KLHL21: variants seen among roughly 807,000 people sequenced by gnomAD.
The protein encoded by KLHL21 is kelch like family member 21.
KLHL21 carries 42 observed loss-of-function variants against 44.1 expected under a neutral mutation model. The ratio of observed to expected loss-of-function variants is 0.95; its 90% CI spans 0.74 to 1.23. The LOEUF (loss-of-function observed/expected upper bound fraction) is 1.23. Among genes scored for constraint, KLHL21 ranks in the 50% most tolerant of loss-of-function variants. The pLI is 0.00. For synonymous variants in KLHL21, 524 were observed against 411.6 expected, an observed-to-expected ratio of 1.27 and a Z score of -3.31; for missense variants, 918 against 889.1, an observed-to-expected ratio of 1.03 and a Z score of -0.41.
chr1:6,598,981 T>C (rs1415088925), intron 2 of KLHL21, 66 bp downstream of exon 2: 3 of 1,448,176 alleles, frequency 2.1e-6, no homozygotes, highest in Admixed American at 4.9e-5. Context: ...AGCCATGATG[T>C]GTGCTTAAGA....
chr1:6,602,861 C>T lies in KLHL21; in HGVS notation c.-44G>A, dbSNP rs1641059458. ...TCGAGGACGCCGCGGCCGGGGCCTG[C>T]GGAGAGACGCGGCGCGCTAGGCACC... On this transcript the variant is annotated 5_prime_UTR_variant, in exon 1 of 4. Coordinates refer to ENST00000377658, the MANE Select transcript of KLHL21 (RefSeq NM_014851.4). 2 of 1,290,652 alleles carry T rather than the reference C, an allele frequency of 1.5e-6. No homozygotes were observed. Among genetic ancestry groups the T allele is most frequent in the South Asian group, 3.4e-5 (2 of 59,128 alleles). 79.9% of individuals were successfully genotyped at this position (1,290,652 alleles called of 1,614,324 possible). A position where few individuals can be genotyped will look rare whatever the true frequency, so the allele number is the denominator to read the frequency against.
rs1021066717 is a variant in KLHL21 at position 6,602,843 on chromosome 1, C to T, written c.-26G>A. The T allele has an allele frequency of 1.4e-5, 19 of 1,399,346 alleles. No homozygotes were observed. In the African/African-American group the frequency reaches 2.6e-4, roughly 19 times the overall value. 86.7% of individuals were successfully genotyped at this position (1,399,346 alleles called of 1,614,324 possible). A position where few individuals can be genotyped will look rare whatever the true frequency, so the allele number is the denominator to read the frequency against. ...GGCGCCTTCGATAGGTTGTCGAGGA[C>T]GCCGCGGCCGGGGCCTGCGGAGAGA... is the stretch of plus-strand genomic sequence containing the variant. On this transcript the variant is annotated 5_prime_UTR_variant, in exon 1 of 4. Coordinates refer to ENST00000377658, the MANE Select transcript of KLHL21 (RefSeq NM_014851.4).
In KLHL21 at chr1:6,598,664, T is replaced by C. The variant is rs182190506; in HGVS notation, c.1427+383A>G. 3.4e-3 allele frequency among the ~76,000 whole-genome samples: 510 copies of C among 151,902 alleles called. 2 individuals carry two copies. Among genetic ancestry groups the C allele is most frequent in the Middle Eastern group, 0.02 (6 of 294 alleles). On this transcript the variant is annotated intron_variant, in intron 2 of 3. Coordinates refer to ENST00000377658, the MANE Select transcript of KLHL21 (RefSeq NM_014851.4). ...TTGGGAGGCCAAGGCGGACCGATCA[T>C]GAGGTCAGGAGATCAAGACCATCCT...
chr1:6,602,105 A>G lies in KLHL21; in HGVS notation c.713T>C (p.Val238Ala). 1 of 1,471,318 alleles carries G rather than the reference A, an allele frequency of 6.8e-7. No individual in the cohort carries two copies. 91.1% of individuals were successfully genotyped at this position (1,471,318 alleles called of 1,614,324 possible). The change falls in exon 1 of 4, where the codon GTC becomes GCC. Residue 238 changes from valine (V) to alanine (A), a missense_variant. Coordinates refer to ENST00000377658, the MANE Select transcript of KLHL21 (RefSeq NM_014851.4). ...FVRRFYLLAH[V>A]EAEPLVARCP... ...GCGCGCCACCAGCGGCTCGGCCTCG[A>G]CGTGCGCCAACAGGTAGAAGCGGCG... is the stretch of plus-strand genomic sequence containing the variant.
intron 2 of KLHL21, among the ~76,000 whole-genome samples, 166 bp downstream of exon 2, chr1:6,598,881 T>C (rs1640967257): frequency 6.6e-6 from 1 of 152,140 alleles, no homozygotes; most frequent in Non-Finnish European, 1.5e-5. Context: ...AGACTCCGTC[T>C]CAAAAACAAA....
intron 3 of KLHL21, 114 bp from the exon 4 acceptor site, chr1:6,593,772 T>C: frequency 7.1e-7 from 1 of 1,409,860 alleles, no homozygotes; most frequent in South Asian, 1.6e-5. Context: ...AGGGGTGGCC[T>C]TGGCTCTCCC....
intron 3 of KLHL21, chr1:6,594,064 T>C (rs1640891786): frequency 2.0e-6 from 2 of 1,016,516 alleles, no homozygotes; most frequent in Admixed American, 5.7e-5. Context: ...CGAGGCTGGA[T>C]GATTCCTTCC....
At position 6,602,602 on chromosome 1, in the gene KLHL21, G is replaced by A. The variant is rs1641050206; in HGVS notation, c.216C>T (p.Ser72=). ...RAMFAGQLRE[S]RAERVRLHGV... ...CGTGCAGGCGCACCCGCTCGGCGCG[G>A]CTCTCGCGCAGCTGCCCCGCGAACA... The change falls in exon 1 of 4, where the codon AGC becomes AGT. Residue 72 remains serine, a synonymous_variant. Transcript: ENST00000377658. 2 of 1,525,200 alleles carry A rather than the reference G, an allele frequency of 1.3e-6. No individual in the cohort carries two copies. Among genetic ancestry groups the A allele is most frequent in the East Asian group, 2.5e-5 (1 of 40,080 alleles). The allele number at this position is 1,525,200 out of a possible 1,614,324, so 94.5% of individuals were successfully genotyped here. A position where few individuals can be genotyped will look rare whatever the true frequency, so the allele number is the denominator to read the frequency against.
chr1:6,602,475 G>C lies in KLHL21; in HGVS notation c.343C>G (p.Leu115Val), dbSNP rs773087044. Residue 115 changes from leucine to valine, a missense_variant, in exon 1 of 4, where the codon CTG becomes GTG. Coordinates refer to ENST00000377658, the MANE Select transcript of KLHL21 (RefSeq NM_014851.4). The stretch of plus-strand genomic sequence containing the variant: ...TCCTTCACGGCCGGGAACTGCAGCA[G>C]GTCGGCGGCGCGCAGCAGCGGCTCA... Reference protein sequence around the residue: ...NAEPLLRAADLLQFPAVKEAC... With the variant: ...NAEPLLRAADVLQFPAVKEAC... 1.9e-6 allele frequency: 3 copies of C among 1,563,248 alleles called. No individual in the cohort carries two copies. Among genetic ancestry groups the C allele is most frequent in the South Asian group, 1.2e-5 (1 of 86,006 alleles).
At position 6,590,789 on chromosome 1, in the gene KLHL21, G is replaced by A. The variant is rs183827840; in HGVS notation, c.*2576C>T. The A allele has an allele frequency of 9.9e-4, 391 of 396,558 alleles. 1 individual carries two copies. Among genetic ancestry groups the A allele is most frequent in the African/African-American group, 7.2e-3 (353 of 48,728 alleles). 24.6% of individuals were successfully genotyped at this position (396,558 alleles called of 1,614,324 possible). ...CCCTAAAACCTTAAGCAGGATTCTGGACATGGAAGCCTACAGAATAGACAA... is the reference window on the plus strand; with the variant it reads ...CCCTAAAACCTTAAGCAGGATTCTGAACATGGAAGCCTACAGAATAGACAA... On this transcript the variant is annotated 3_prime_UTR_variant, in exon 4 of 4. Transcript: ENST00000377658.
rs1640854376 is a variant in KLHL21 at position 6,591,761 on chromosome 1, G to GCAGGA, written c.*1599_*1603dup. 6.5e-6 allele frequency: 1 copy of GCAGGA among 153,572 alleles called. No homozygotes were observed. The highest frequency in any genetic ancestry group is 6.5e-5 in the Admixed American group (1 of 15,316). 9.5% of individuals were successfully genotyped at this position (153,572 alleles called of 1,614,324 possible). ...CCAAGGGAGCAGAGGAAGGAGAAGG[G>GCAGGA]CAGGAAAAGGTCCAGGGCACAGGGC... is the stretch of plus-strand genomic sequence containing the variant. On this transcript the variant is annotated 3_prime_UTR_variant, in exon 4 of 4. Coordinates refer to ENST00000377658, the MANE Select transcript of KLHL21 (RefSeq NM_014851.4).
chr1:6,596,790 G>A (rs1223683899), intron 2 of KLHL21, among the ~76,000 whole-genome samples: 1 of 152,176 alleles, frequency 6.6e-6, no homozygotes, highest in African/African-American at 2.4e-5. Context: ...TCCCAGAGGG[G>A]GCTACTGCAC....
At chr1:6,601,348 A>C (rs1258552608) in intron 1 of KLHL21, among the ~76,000 whole-genome samples, 1 of 152,166 alleles carries the variant, frequency 6.6e-6, no homozygotes, top group Admixed American at 6.5e-5. Context: ...CCGGGTGACA[A>C]AGAGTGAGTC....
Position 6,601,930 on chromosome 1 carries a change from C to A in KLHL21, c.888G>T (p.Gln296His), listed in dbSNP as rs1407593987. The change falls in exon 1 of 4, where the codon CAG becomes CAT. Residue 296 changes from glutamine to histidine, a missense_variant. Coordinates refer to ENST00000377658, the MANE Select transcript of KLHL21 (RefSeq NM_014851.4). ...EILVLVGGCD[Q>H]DCDELVTVDC... ...CGACAGTGACCAGCTCGTCACAGTC[C>A]TGGTCGCAGCCGCCCACGAGCACGA... The A allele has an allele frequency of 6.4e-7, 1 of 1,561,196 alleles. No homozygotes were observed.
chr1:6,601,485 T>G (rs1395032655), intron 1 of KLHL21, among the ~76,000 whole-genome samples: 1 of 152,200 alleles, frequency 6.6e-6, no homozygotes. Flanking sequence ...GCACCCATTG[T>G]GCGGGGTGAA....
chr1:6,597,138 A>G (rs904004100), intron 2 of KLHL21, among the ~76,000 whole-genome samples: 4 of 152,320 alleles, frequency 2.6e-5, no homozygotes, highest in African/African-American at 7.2e-5. Flanking sequence ...CACTGGTAAG[A>G]TGAACGCATG....
chr1:6,595,314 C>T, intron 3 of KLHL21, 171 bp downstream of exon 3: 1 of 696,068 alleles, frequency 1.4e-6, no homozygotes, highest in Non-Finnish European at 2.7e-6. Flanking sequence ...TACTTAACAT[C>T]TGTGTCTCAG....
intron 2 of KLHL21, among the ~76,000 whole-genome samples, chr1:6,596,529 G>C (rs1173927548): frequency 6.6e-6 from 1 of 152,234 alleles, no homozygotes; most frequent in African/African-American, 2.4e-5. Flanking sequence ...ACAATGCATA[G>C]ACACGAGCCT....
rs1400022941 is a variant in KLHL21, at chr1:6,602,836, T to C, written c.-19A>G. The C allele has an allele frequency of 7.1e-6, 10 of 1,404,572 alleles. No individual in the cohort carries two copies. The African/African-American group carries it at 1.1e-4, about 15-fold the overall frequency. The allele number at this position is 1,404,572 out of a possible 1,614,324, so 87.0% of individuals were successfully genotyped here. ...GCTCCATGGCGCCTTCGATAGGTTG[T>C]CGAGGACGCCGCGGCCGGGGCCTGC... On this transcript the variant is annotated 5_prime_UTR_variant, in exon 1 of 4. Coordinates refer to ENST00000377658, the MANE Select transcript of KLHL21 (RefSeq NM_014851.4).
Sources: allele counts gnomAD v4.1 joint callset (sites outside exome capture counted in the v4.1 genomes callset), GRCh38; gene constraint gnomAD v4.1.1; transcripts MANE v1.5; gene names NCBI Gene and HGNC (gene_info 2026-07-23, HGNC 2026-07-21).